Variants in SORCS1 observed in about 807,000 individuals in gnomAD.
The protein encoded by SORCS1 is VPS10 domain-containing receptor SorCS1.
A neutral mutation model predicts 146.1 loss-of-function variants in SORCS1; 60 were observed. The ratio of observed to expected loss-of-function variants is 0.41; its 90% CI spans 0.33 to 0.51. SORCS1 has a LOEUF of 0.51. Ranked by LOEUF, SORCS1 falls within the 20% of genes least tolerant of loss-of-function variation. The probability of loss-of-function intolerance (pLI) is 0.21; values close to 1 mark genes in which losing one functional copy is unlikely to be tolerated. For synonymous variants in SORCS1, 637 were observed against 584.0 expected (o/e 1.09, Z -1.31); for missense variants, 1,352 against 1,487.6 (o/e 0.91, Z 1.50).
intron 1 of SORCS1, among the ~76,000 whole-genome samples, chr10:107,091,669 T>A (rs1394393851): frequency 6.6e-6 from 1 of 152,342 alleles, no homozygotes; most frequent in South Asian, 2.1e-4. Flanking sequence ...GATTCAATCA[T>A]CTTCTGAAAT....
intron 10 of SORCS1, among the ~76,000 whole-genome samples, chr10:106,685,758 G>A (rs144145523): frequency 6.6e-6 from 1 of 152,090 alleles, no homozygotes; most frequent in African/African-American, 2.4e-5. Flanking sequence ...GGGCCTCATC[G>A]GTCATGATAA....
intron 1 of SORCS1, among the ~76,000 whole-genome samples, chr10:107,034,156 C>A (rs930323668): frequency 6.6e-6 from 1 of 152,080 alleles, no homozygotes; most frequent in Admixed American, 6.5e-5. Context: ...TCTGGAAGCA[C>A]CCTGGTTAAG....
At chr10:106,585,466 T>C (rs986016676) in intron 24 of SORCS1, among the ~76,000 whole-genome samples, 1 of 152,198 alleles carries the variant, frequency 6.6e-6, no homozygotes, top group African/African-American at 2.4e-5. Context: ...TTGCTGTTGA[T>C]AGTAGCTCAA....
At chr10:106,706,764 T>C (rs1259721073) in intron 7 of SORCS1, 130 bp from the exon 8 acceptor site, 1 of 778,554 alleles carries the variant, frequency 1.3e-6, no homozygotes, top group Non-Finnish European at 2.1e-6. Flanking sequence ...TGCGGACAAG[T>C]GTAAAGAATT....
chr10:107,015,935 T>C (rs1017736967), intron 1 of SORCS1, among the ~76,000 whole-genome samples: 2 of 152,100 alleles, frequency 1.3e-5, no homozygotes, highest in African/African-American at 4.8e-5. Flanking sequence ...CACTATACAT[T>C]TCACCTGTGT....
intron 2 of SORCS1, among the ~76,000 whole-genome samples, chr10:106,912,279 A>AGGCGTTCTGGCTGGTTGCC (rs1952204258): frequency 6.6e-6 from 1 of 152,206 alleles, no homozygotes; most frequent in Admixed American, 6.5e-5. Flanking sequence ...GCCAAATCCC[A>AGGCGTTCTGGCTGGTTGCC]TAAGTCAGAA....
At chr10:106,980,949 G>T (rs992998612) in intron 1 of SORCS1, among the ~76,000 whole-genome samples, 1 of 149,468 alleles carries the variant, frequency 6.7e-6, no homozygotes, top group Non-Finnish European at 1.5e-5. Context: ...GTTTAAGCTT[G>T]ATTCCTTGAA....
intron 1 of SORCS1, among the ~76,000 whole-genome samples, chr10:107,152,553 T>A (rs1590252855): frequency 6.6e-6 from 1 of 152,140 alleles, no homozygotes. Flanking sequence ...AGTGGCTACC[T>A]CCATGCTGTT....
chr10:106,752,190 A>G (rs1263162252), intron 5 of SORCS1, among the ~76,000 whole-genome samples: 1 of 152,154 alleles, frequency 6.6e-6, no homozygotes, highest in Non-Finnish European at 1.5e-5. Flanking sequence ...TAGAGCTGCA[A>G]TCTGGTACAT....
chr10:106,618,044 C>A, intron 21 of SORCS1, 105 bp downstream of exon 21: 1 of 1,470,154 alleles, frequency 6.8e-7, no homozygotes, highest in Non-Finnish European at 9.3e-7. Flanking sequence ...GCCCTCCGTT[C>A]TCCAGGTAAA....
At chr10:106,964,299 T>A (rs1955395430) in intron 1 of SORCS1, among the ~76,000 whole-genome samples, 1 of 151,296 alleles carries the variant, frequency 6.6e-6, no homozygotes, top group African/African-American at 2.5e-5. Flanking sequence ...CAGATTTTGA[T>A]TTTTAATTAA....
chr10:106,968,103 G>A (rs1478570634), intron 1 of SORCS1, among the ~76,000 whole-genome samples: 3 of 151,826 alleles, frequency 2.0e-5, no homozygotes, highest in Non-Finnish European at 2.9e-5. Flanking sequence ...CCAGTTACTC[G>A]GGAGGCTGAG....
chr10:106,869,300 C>T (rs1950324663), intron 2 of SORCS1, among the ~76,000 whole-genome samples: 3 of 152,146 alleles, frequency 2.0e-5, no homozygotes, highest in Admixed American at 2.0e-4. Flanking sequence ...GAAACATCTC[C>T]AGAAAACTGA....
chr10:106,788,760 T>C (rs1946179178), intron 3 of SORCS1, among the ~76,000 whole-genome samples: 1 of 152,186 alleles, frequency 6.6e-6, no homozygotes, highest in African/African-American at 2.4e-5. Flanking sequence ...TGTCTGTGGC[T>C]TTTCCAGGGG....
chr10:106,714,203 C>G (rs2135883055), intron 6 of SORCS1, among the ~76,000 whole-genome samples: 1 of 134,210 alleles, frequency 7.5e-6, no homozygotes, highest in Non-Finnish European at 1.6e-5. Context: ...AGAATTCTAT[C>G]TAAGGAAAAA....
intron 4 of SORCS1, among the ~76,000 whole-genome samples, chr10:106,767,759 G>A (rs772223553): frequency 1.3e-5 from 2 of 151,216 alleles, no homozygotes; most frequent in African/African-American, 4.9e-5. Flanking sequence ...CTAAAGTGCT[G>A]AGATTACAGG....
In SORCS1 at chr10:107,131,860, G is replaced by A. The variant is rs139403504; in HGVS notation, c.558+32109C>T. The stretch of plus-strand genomic sequence containing the variant: ...AATCCACTTTACAGACTGAGCAGCC[G>A]AGGCACAATGATAGGTGGGAAAAAT... On this transcript the variant is annotated intron_variant, in intron 1 of 25. Transcript: ENST00000263054. Among the ~76,000 whole-genome samples, 1,425 of 152,296 alleles carry A rather than the reference G, an allele frequency of 9.4e-3. 9 individuals are homozygous for A. The highest frequency in any genetic ancestry group is 0.018 in the South Asian group (86 of 4,818).
At chr10:107,033,145 A>T (rs568273913) in intron 1 of SORCS1, among the ~76,000 whole-genome samples, 3 of 152,356 alleles carry the variant, frequency 2.0e-5, no homozygotes, top group Non-Finnish European at 4.4e-5. Flanking sequence ...CAAAGGAGAA[A>T]CAAGCACATA....
intron 16 of SORCS1, among the ~76,000 whole-genome samples, chr10:106,670,867 T>C (rs1050059330): frequency 3.9e-5 from 6 of 151,988 alleles, no homozygotes; most frequent in African/African-American, 1.5e-4. Flanking sequence ...CTAATTTTTC[T>C]ATTTTTAGTA....
Sources: gnomAD v4.1 joint callset for allele counts (sites outside exome capture counted in the v4.1 genomes callset) on GRCh38, gnomAD v4.1.1 for gene constraint, MANE v1.5 for transcripts, NCBI Gene and HGNC (gene_info 2026-07-23, HGNC 2026-07-21) for gene names.